Variants in PSMG2 observed in about 807,000 individuals in gnomAD.
The protein encoded by PSMG2 is CD40 ligand-activated specific transcript 3.
In PSMG2, 21 loss-of-function variants were observed where a neutral mutation model predicts 31.5. The ratio of observed to expected loss-of-function variants is 0.67; its 90% CI spans 0.47 to 0.96. The LOEUF (loss-of-function observed/expected upper bound fraction) is 0.96. Among genes scored for constraint, PSMG2 ranks in the 40% least tolerant of loss-of-function variants. The pLI is 0.00. For synonymous variants in PSMG2, 120 were observed against 110.4 expected, an observed-to-expected ratio of 1.09 and a Z score of -0.54; for missense variants, 318 against 321.2, an observed-to-expected ratio of 0.99 and a Z score of 0.08.
At position 12,708,450 on chromosome 18, in the gene PSMG2, C is replaced by T. The variant is rs535314563; in HGVS notation, c.229+1729C>T. On this transcript the variant is annotated intron_variant, in intron 2 of 6. Transcript: ENST00000317615. ...CGCGATCTCAGCTCACCGCAGCCTC[C>T]GCCTTCCAGTTTCAGGCAGTTCTCC... Among the ~76,000 whole-genome samples the T allele has an allele frequency of 8.9e-4, 135 of 151,232 alleles. 1 individual carries two copies. The highest frequency in any genetic ancestry group is 1.7e-3 in the Non-Finnish European group (118 of 67,784).
At chr18:12,696,232 G>A (rs113487925) in intron 1 of PSMG2, among the ~76,000 whole-genome samples, 8,170 of 152,134 alleles carry the variant, frequency 0.054, 672 homozygotes, top group African/African-American at 0.18. Context: ...CTGGCTGGGC[G>A]CGGTGACTCA....
rs549036742 is a variant in PSMG2, at chr18:12,669,377, G to A, written c.-37+10604G>A. Reference sequence around the variant, plus strand: ...TCCGCCCGCCTTGGCCTTCCAAAGTGCTGGGATTACAGGCATGAGCCACCG... The same window carrying A: ...TCCGCCCGCCTTGGCCTTCCAAAGTACTGGGATTACAGGCATGAGCCACCG... On this transcript the variant is annotated intron_variant, in intron 1 of 6. Coordinates refer to the PSMG2 transcript ENST00000585331. Among the ~76,000 whole-genome samples the A allele has an allele frequency of 5.6e-3, 855 of 152,054 alleles. 3 individuals are homozygous for A. The highest frequency in any genetic ancestry group is 0.017 in the South Asian group (82 of 4,814).
At chr18:12,712,781 C>T in intron 3 of PSMG2, 21 bp downstream of exon 3, 1 of 1,568,436 alleles carries the variant, frequency 6.4e-7, no homozygotes, top group Non-Finnish European at 8.7e-7. Context: ...TGTAGTTTGC[C>T]TTTTTGTTTA....
At chr18:12,695,366 ATTTTGAACTTC>A (rs762635359) in intron 1 of PSMG2, 6 of 1,289,284 alleles carry the variant, frequency 4.7e-6, no homozygotes, top group Non-Finnish European at 6.6e-6. Flanking sequence ...AAACATAAAT[ATTTTGAACTTC>A]AGAGATTTCA....
rs191761178 is a variant in PSMG2, at chr18:12,717,011, A to G, written c.289-1506A>G. 2.1e-5 allele frequency among the ~76,000 whole-genome samples: 3 copies of G among 143,420 alleles called. No homozygotes were observed. The East Asian group carries it at 6.2e-4, about 30-fold the overall frequency. 94.1% of individuals were successfully genotyped at this position (143,420 alleles called of 152,430 possible). On this transcript the variant is annotated intron_variant, in intron 3 of 6. Transcript: ENST00000317615. Reference sequence around the variant, plus strand: ...TCCACCCAGGCTGGAGTGCAGTGGCACAACTATGGCTCACTACAGCCCTGA... The same window carrying G: ...TCCACCCAGGCTGGAGTGCAGTGGCGCAACTATGGCTCACTACAGCCCTGA...
upstream of PSMG2, among the ~76,000 whole-genome samples, chr18:12,701,935 C>A (rs990592303): frequency 6.6e-6 from 1 of 152,094 alleles, no homozygotes; most frequent in Non-Finnish European, 1.5e-5. Flanking sequence ...TCGGGACCAG[C>A]CACACCAACA....
chr18:12,702,070 G>A (rs746204764), upstream of PSMG2, among the ~76,000 whole-genome samples: 1 of 152,188 alleles, frequency 6.6e-6, no homozygotes, highest in Non-Finnish European at 1.5e-5. Context: ...AGGTTGCAGT[G>A]AGCCGAGATC....
intron 2 of PSMG2, among the ~76,000 whole-genome samples, chr18:12,712,276 A>G (rs1170830224): frequency 2.0e-5 from 3 of 152,134 alleles, no homozygotes; most frequent in Non-Finnish European, 4.4e-5. Flanking sequence ...ACATTCTCCT[A>G]CCTTTTACTG....
At chr18:12,706,441 C>T (rs958253722) in intron 1 of PSMG2, 109 bp from the exon 2 acceptor site, 10 of 1,156,746 alleles carry the variant, frequency 8.6e-6, no homozygotes, top group Middle Eastern at 2.8e-4. Flanking sequence ...GAGCCAAGAT[C>T]ACGCCACTGT....
chr18:12,715,184 T>A (rs1385489920), intron 3 of PSMG2, among the ~76,000 whole-genome samples: 1 of 149,574 alleles, frequency 6.7e-6, no homozygotes, highest in East Asian at 2.0e-4. Context: ...AATTTTTGTA[T>A]TTTTAGTAGA....
At position 12,720,663 on chromosome 18, in the gene PSMG2, A is replaced by G. The variant is rs766458421; in HGVS notation, c.561A>G (p.Thr187=). ...TCCGCATTCCGGGAGGAGGTATCAC[A>G]AAAACACTCTATGATGAAAGGTGAG... ...FCIRIPGGGI[T]KTLYDESCSK... is the part of the protein sequence containing the mutation. Residue 187 remains threonine (T), a synonymous_variant, in exon 5 of 7, where the codon ACA becomes ACG. Coordinates refer to ENST00000317615, the MANE Select transcript of PSMG2 (RefSeq NM_020232.5). 1.2e-6 allele frequency: 2 copies of G among 1,610,812 alleles called. No individual in the cohort carries two copies. Among genetic ancestry groups the G allele is most frequent in the Non-Finnish European group, 1.7e-6 (2 of 1,179,182 alleles).
chr18:12,693,452 C>T (rs962819149), intron 1 of PSMG2, among the ~76,000 whole-genome samples: 7 of 151,876 alleles, frequency 4.6e-5, no homozygotes, highest in Non-Finnish European at 8.8e-5. Context: ...AAAAAACAAG[C>T]TACTACCCCA....
chr18:12,683,330 C>T (rs1463250686), intron 1 of PSMG2, among the ~76,000 whole-genome samples: 2 of 150,664 alleles, frequency 1.3e-5, no homozygotes, highest in African/African-American at 2.4e-5. Context: ...CCAGCCTGGG[C>T]GACAGAGCGA....
intron 1 of PSMG2, among the ~76,000 whole-genome samples, chr18:12,667,866 T>G (rs1228614451): frequency 1.3e-5 from 2 of 149,854 alleles, no homozygotes; most frequent in African/African-American, 2.4e-5. Context: ...TTTTTTTTTT[T>G]TTTAAATAGA....
intron 1 of PSMG2, chr18:12,686,482 C>T: frequency 4.9e-6 from 7 of 1,430,012 alleles, no homozygotes; most frequent in Non-Finnish European, 6.8e-6. Context: ...TCTGTAATGA[C>T]ATATTAATCA....
At chr18:12,708,402 T>C (rs1335649561) in intron 2 of PSMG2, among the ~76,000 whole-genome samples, 1 of 152,184 alleles carries the variant, frequency 6.6e-6, no homozygotes, top group Non-Finnish European at 1.5e-5. Flanking sequence ...TTTGCTCTTG[T>C]TGCCCGGGCT....
chr18:12,704,989 C>T (rs1164158369), intron 1 of PSMG2, among the ~76,000 whole-genome samples: 4 of 150,732 alleles, frequency 2.7e-5, no homozygotes, highest in African/African-American at 9.8e-5. Context: ...GGGATAGCCT[C>T]AATAAAAATT....
intron 2 of PSMG2, among the ~76,000 whole-genome samples, chr18:12,709,647 C>T (rs1338332074): frequency 3.3e-5 from 5 of 151,884 alleles, no homozygotes; most frequent in African/African-American, 7.2e-5. Context: ...TACAGGTCCA[C>T]GCCCCCACGC....
At chr18:12,696,259 C>T (rs558641348) in intron 1 of PSMG2, among the ~76,000 whole-genome samples, 3 of 152,210 alleles carry the variant, frequency 2.0e-5, no homozygotes, top group South Asian at 4.2e-4. Flanking sequence ...TATCCCAGCA[C>T]TTTGGGAGGC....
Sources: allele counts gnomAD v4.1 joint callset (sites outside exome capture counted in the v4.1 genomes callset), GRCh38; gene constraint gnomAD v4.1.1; transcripts MANE v1.5; gene names NCBI Gene and HGNC (gene_info 2026-07-23, HGNC 2026-07-21).